Variants in UNC13B observed in about 807,000 individuals in gnomAD.
UNC13B encodes the protein unc-13 homolog B, also known as protein unc-13 homolog B.
UNC13B carries 144 observed loss-of-function variants against 211.0 expected under a neutral mutation model. The ratio of observed to expected loss-of-function variants is 0.68; its 90% CI spans 0.60 to 0.78. UNC13B has a LOEUF of 0.78. Among genes scored for constraint, UNC13B ranks in the 30% least tolerant of loss-of-function variants. UNC13B has a pLI of 0.00. For missense variants in UNC13B, 1,777 were observed against 2,002.0 expected (o/e 0.89, Z 2.14); for synonymous variants, 709 against 725.8 (o/e 0.98, Z 0.37).
At chr9:35,290,964 G>A (rs1564116234) in intron 7 of UNC13B, 1 of 1,147,036 alleles carries the variant, frequency 8.7e-7, no homozygotes, top group Non-Finnish European at 1.3e-6. Flanking sequence ...GTAGGCTTAA[G>A]TAAGGTAAGG....
intron 1 of UNC13B, among the ~76,000 whole-genome samples, chr9:35,200,756 A>G (rs1823235835): frequency 6.6e-6 from 1 of 152,220 alleles, no homozygotes; most frequent in South Asian, 2.1e-4. Context: ...GGGGTTTTCT[A>G]GATATACAAT....
chr9:35,252,828 G>A (rs1826589389), intron 6 of UNC13B, among the ~76,000 whole-genome samples: 1 of 151,984 alleles, frequency 6.6e-6, no homozygotes, highest in Admixed American at 6.5e-5. Context: ...TACTTGGGAG[G>A]CTGAGGCAGG....
intron 1 of UNC13B, among the ~76,000 whole-genome samples, chr9:35,217,030 T>C (rs974191173): frequency 6.6e-6 from 1 of 152,164 alleles, no homozygotes; most frequent in Non-Finnish European, 1.5e-5. Context: ...GGTGTAGATA[T>C]GACTATAAAG....
intron 7 of UNC13B, among the ~76,000 whole-genome samples, chr9:35,260,587 G>A (rs1184799365): frequency 6.6e-6 from 1 of 152,008 alleles, no homozygotes; most frequent in Admixed American, 6.6e-5. Context: ...CATTCTATAG[G>A]CCCACTTTCC....
chr9:35,306,898 T>TTTTTCTC lies in UNC13B; in HGVS notation c.7495_7496insTTTCTCT (p.Ser2499PhefsTer4), dbSNP rs1829951855. The TTTTTCTC allele has an allele frequency of 2.5e-6, 1 of 398,966 alleles. No homozygotes were observed. The highest frequency in any genetic ancestry group is 2.1e-5 in the African/African-American group (1 of 48,640). 24.7% of individuals were successfully genotyped at this position (398,966 alleles called of 1,614,324 possible). A position where few individuals can be genotyped will look rare whatever the true frequency, so the allele number is the denominator to read the frequency against. On this transcript the variant is annotated frameshift_variant, in exon 9 of 40. Coordinates refer to ENST00000635942, the MANE Select transcript of UNC13B (RefSeq NM_001371189.2). LOFTEE classifies it high-confidence loss of function. ...AGAAAAACTCCTTTTTCTCTCTTGC[T>TTTTTCTC]TCTGATGTATCATCTCAGCCCCTCA...
Position 35,376,077 on chromosome 9 carries a change from C to A in UNC13B, c.9665C>A (p.Ser3222Ter). 1 of 1,614,264 alleles carries A rather than the reference C, an allele frequency of 6.2e-7. No individual in the cohort carries two copies. The highest frequency in any genetic ancestry group is 1.1e-5 in the South Asian group (1 of 91,088). Residue 3222 changes from serine to a stop codon, truncating the protein, a stop_gained, in exon 15 of 40, where the codon TCG (serine) becomes TAG (stop). Coordinates refer to ENST00000635942, the MANE Select transcript of UNC13B (RefSeq NM_001371189.2). LOFTEE classifies it high-confidence loss of function. ...KTLQALIYPISCTTPHNFEVW... is the reference protein window; with the variant it reads ...KTLQALIYPI ...CTGCAGGCCTTAATCTACCCCATTT[C>A]GTGCACCACTCCTCATAACTTTGAG...
At chr9:35,298,565 C>G (rs944343809) in intron 8 of UNC13B, among the ~76,000 whole-genome samples, 1 of 152,164 alleles carries the variant, frequency 6.6e-6, no homozygotes, top group African/African-American at 2.4e-5. Context: ...AGTGATCCTC[C>G]TGCCTTGGCC....
chr9:35,359,727 A>G (rs910773702), intron 11 of UNC13B, among the ~76,000 whole-genome samples: 1 of 152,158 alleles, frequency 6.6e-6, no homozygotes, highest in Non-Finnish European at 1.5e-5. Flanking sequence ...TTTAAAAAAT[A>G]TCTTGAATCT....
chr9:35,308,685 C>G (rs1472473200), intron 9 of UNC13B, among the ~76,000 whole-genome samples: 1 of 152,162 alleles, frequency 6.6e-6, no homozygotes, highest in Non-Finnish European at 1.5e-5. Flanking sequence ...TTTACTCACT[C>G]TGGTTTGCTC....
At position 35,300,338 on chromosome 9, in the gene UNC13B, C is replaced by G; in HGVS notation, c.934C>G (p.Gln312Glu). Residue 312 changes from glutamine to glutamate, a missense_variant, in exon 9 of 40, where the codon CAA becomes GAA. Physicochemically the swap from Gln to Glu is conservative, Grantham distance 29 (BLOSUM62 2). Coordinates refer to ENST00000635942, the MANE Select transcript of UNC13B (RefSeq NM_001371189.2). ...TACCCTTTGCCATACTGAAAAGAAACAAAATATGGGGTACCCAGTTTTGTA... is the reference window on the plus strand; with the variant it reads ...TACCCTTTGCCATACTGAAAAGAAAGAAAATATGGGGTACCCAGTTTTGTA... The part of the protein sequence containing the change: ...NCTLCHTEKK[Q>E]NMGYPVLYPY... 2.5e-6 allele frequency: 1 copy of G among 398,836 alleles called. No homozygotes were observed. The highest frequency in any genetic ancestry group is 4.4e-6 in the Non-Finnish European group (1 of 226,000). 24.7% of individuals were successfully genotyped at this position (398,836 alleles called of 1,614,324 possible).
intron 1 of UNC13B, among the ~76,000 whole-genome samples, chr9:35,213,326 C>G (rs1273161183): frequency 6.6e-6 from 1 of 152,062 alleles, no homozygotes; most frequent in Admixed American, 6.6e-5. Context: ...TTCCCGGTCT[C>G]CCCTGCATCT....
chr9:35,164,831 C>T (rs1044829613), intron 1 of UNC13B, among the ~76,000 whole-genome samples: 1 of 152,218 alleles, frequency 6.6e-6, no homozygotes, highest in African/African-American at 2.4e-5. Flanking sequence ...CCACAGTGAT[C>T]TCTTTTTCCT....
At chr9:35,395,323 A>G (rs969666758) in intron 26 of UNC13B, among the ~76,000 whole-genome samples, 2 of 152,178 alleles carry the variant, frequency 1.3e-5, no homozygotes, top group African/African-American at 4.8e-5. Flanking sequence ...CTGCAAATGC[A>G]ACTTTAGGTT....
At chr9:35,219,281 T>A (rs1245686688) in intron 1 of UNC13B, among the ~76,000 whole-genome samples, 1 of 152,066 alleles carries the variant, frequency 6.6e-6, no homozygotes, top group African/African-American at 2.4e-5. Flanking sequence ...GTCCTTTGAG[T>A]GCAGAGTCTT....
chr9:35,208,655 T>G (rs2131407226), intron 1 of UNC13B, among the ~76,000 whole-genome samples: 1 of 152,166 alleles, frequency 6.6e-6, no homozygotes, highest in African/African-American at 2.4e-5. Flanking sequence ...CAACCAGATT[T>G]CATAACTCCT....
At chr9:35,248,435 TA>T (rs1363147566) in intron 6 of UNC13B, among the ~76,000 whole-genome samples, 1 of 152,234 alleles carries the variant, frequency 6.6e-6, no homozygotes, top group Non-Finnish European at 1.5e-5. Context: ...CTAGTCCTTT[TA>T]ATTGTGATGT....
chr9:35,206,534 G>A (rs1823656237), intron 1 of UNC13B, among the ~76,000 whole-genome samples: 1 of 152,014 alleles, frequency 6.6e-6, no homozygotes, highest in Admixed American at 6.6e-5. Context: ...TCATCCATAT[G>A]GTGGTTTGTA....
chr9:35,178,914 A>G (rs1821786718), intron 1 of UNC13B, among the ~76,000 whole-genome samples: 1 of 149,028 alleles, frequency 6.7e-6, no homozygotes, highest in Non-Finnish European at 1.5e-5. Context: ...AAAAAAGACA[A>G]TGTCTCACCA....
chr9:35,192,949 T>C (rs1262011010), intron 1 of UNC13B, among the ~76,000 whole-genome samples: 1 of 152,136 alleles, frequency 6.6e-6, no homozygotes, highest in Non-Finnish European at 1.5e-5. Context: ...CCTGCTGTTT[T>C]CCCTCTGCGG....
Sources: gnomAD v4.1 joint callset for allele counts (sites outside exome capture counted in the v4.1 genomes callset) on GRCh38, gnomAD v4.1.1 for gene constraint, MANE v1.5 for transcripts, NCBI Gene and HGNC (gene_info 2026-07-23, HGNC 2026-07-21) for gene names.